MLLT1: variants seen among roughly 807,000 people sequenced by gnomAD.
MLLT1 encodes protein ENL.
A neutral mutation model predicts 55.1 loss-of-function variants in MLLT1; 11 were observed. The ratio of observed to expected loss-of-function variants is 0.20; its 90% confidence interval spans 0.13 to 0.33. The LOEUF (loss-of-function observed/expected upper bound fraction) is 0.33. MLLT1 is among the 10% of genes least tolerant of loss of function. The probability of loss-of-function intolerance (pLI) is 1.00; values close to 1 mark genes in which losing one functional copy is unlikely to be tolerated. For missense variants in MLLT1, 536 were observed against 760.6 expected (o/e 0.70, Z 3.47); for synonymous variants, 323 against 320.1 (o/e 1.01, Z -0.10).
At chr19:6,252,268 A>G (rs1193982555) in intron 3 of MLLT1, among the ~76,000 whole-genome samples, 1 of 152,198 alleles carries the variant, frequency 6.6e-6, no homozygotes, top group Non-Finnish European at 1.5e-5. Flanking sequence ...CAATTACAGC[A>G]GGGTTTCTCT....
chr19:6,253,617 T>A (rs1023936243), intron 3 of MLLT1, among the ~76,000 whole-genome samples: 1 of 152,194 alleles, frequency 6.6e-6, no homozygotes, highest in African/African-American at 2.4e-5. Context: ...ACTAAAAAGA[T>A]TATATACCAT....
intron 6 of MLLT1, among the ~76,000 whole-genome samples, chr19:6,218,412 A>G (rs1236950246): frequency 1.3e-5 from 2 of 152,180 alleles, no homozygotes; most frequent in Non-Finnish European, 2.9e-5. Flanking sequence ...TTCGTCCAAG[A>G]GGGCAGGCAT....
intron 7 of MLLT1, chr19:6,216,958 C>T (rs2090851055): frequency 5.8e-6 from 1 of 173,696 alleles, no homozygotes; most frequent in Admixed American, 5.9e-5. Flanking sequence ...TGCCCACCCC[C>T]TCGGTAATCC....
At chr19:6,242,562 G>A (rs2091125253) in intron 3 of MLLT1, among the ~76,000 whole-genome samples, 1 of 152,230 alleles carries the variant, frequency 6.6e-6, no homozygotes, top group African/African-American at 2.4e-5. Context: ...TTTCACACTT[G>A]GCCATTTCTA....
chr19:6,247,297 T>G (rs1017147215), intron 3 of MLLT1, among the ~76,000 whole-genome samples: 2 of 152,150 alleles, frequency 1.3e-5, no homozygotes, highest in African/African-American at 4.8e-5. Context: ...TAAATACCAT[T>G]TTCCAGCAAC....
intron 3 of MLLT1, among the ~76,000 whole-genome samples, chr19:6,249,923 G>T (rs974900880): frequency 6.6e-6 from 1 of 152,132 alleles, no homozygotes; most frequent in African/African-American, 2.4e-5. Context: ...TCAGAAGGCT[G>T]AGGTGGGAGG....
chr19:6,248,514 AT>A (rs1351535730), intron 3 of MLLT1, among the ~76,000 whole-genome samples: 1 of 152,200 alleles, frequency 6.6e-6, no homozygotes, highest in Non-Finnish European at 1.5e-5. Context: ...ACTTCCTAAT[AT>A]GATGGAAGAG....
In MLLT1 at chr19:6,212,524, G is replaced by A. The variant is rs2090787258; in HGVS notation, c.*518C>T. On this transcript the variant is annotated 3_prime_UTR_variant, in exon 12 of 12. Coordinates refer to ENST00000252674, the MANE Select transcript of MLLT1 (RefSeq NM_005934.4). ...AGAACTATACAGCACAGACCCCAGC[G>A]CAGCGCGAGCCGGGGAGGAGCCGGC... 6 of 1,079,924 alleles carry A rather than the reference G, an allele frequency of 5.6e-6. No individual in the cohort carries two copies. The highest frequency in any genetic ancestry group is 5.0e-5 in the Admixed American group (1 of 20,200). The allele number at this position is 1,079,924 out of a possible 1,614,324, so 66.9% of individuals were successfully genotyped here.
At chr19:6,225,489 C>T (rs914602545) in intron 5 of MLLT1, among the ~76,000 whole-genome samples, 9 of 152,312 alleles carry the variant, frequency 5.9e-5, no homozygotes, top group African/African-American at 1.9e-4. Context: ...ATGGTGGGGC[C>T]GACAGCTCAT....
rs2091107717 is a variant in MLLT1, at chr19:6,240,946, A to G, written c.277-10233T>C. ...TAAAGTTTGGCTTCTATTAACTGGA[A>G]GCCAAACTTAATGATTTCTCCTCAG... On this transcript the variant is annotated intron_variant, in intron 3 of 11. Transcript: ENST00000252674. This position sits in a 1 kb window ranked among gnomAD's most constrained non-coding sequence, Gnocchi z 4.7. Among the ~76,000 whole-genome samples the G allele has an allele frequency of 6.6e-6, 1 of 152,212 alleles. No individual in the cohort carries two copies. Among genetic ancestry groups the G allele is most frequent in the South Asian group, 2.1e-4 (1 of 4,824 alleles).
chr19:6,274,712 A>G (rs1430522752), intron 1 of MLLT1, among the ~76,000 whole-genome samples: 2 of 152,202 alleles, frequency 1.3e-5, no homozygotes, highest in African/African-American at 4.8e-5. Context: ...CCACTCCCCA[A>G]CAAAAGCCCA....
intron 3 of MLLT1, among the ~76,000 whole-genome samples, chr19:6,251,205 G>T (rs940578873): frequency 4.6e-5 from 7 of 152,194 alleles, no homozygotes; most frequent in African/African-American, 1.7e-4. Context: ...TGTACTAAAT[G>T]CCACTTTACT....
intron 1 of MLLT1, 54 bp downstream of exon 1, chr19:6,279,719 G>T (rs1362567319): frequency 2.0e-5 from 3 of 147,562 alleles, no homozygotes; most frequent in Admixed American, 2.0e-4. Context: ...GGGCGGGCCG[G>T]CGGGCGGGAG....
At position 6,222,052 on chromosome 19, in the gene MLLT1, G is replaced by A; in HGVS notation, c.1110+69C>T. 7.5e-7 allele frequency: 1 copy of A among 1,327,568 alleles called. No homozygotes were observed. The highest frequency in any genetic ancestry group is 2.9e-5 in the Admixed American group (1 of 34,902). 82.2% of individuals were successfully genotyped at this position (1,327,568 alleles called of 1,614,324 possible). A position where few individuals can be genotyped will look rare whatever the true frequency, so the allele number is the denominator to read the frequency against. ...GGCTCAGATCCCACCTCCTTCCGCTGTTCCAGAAGGGAGGCGGGTCCCACC... is the reference window on the plus strand; with the variant it reads ...GGCTCAGATCCCACCTCCTTCCGCTATTCCAGAAGGGAGGCGGGTCCCACC... On this transcript the variant is annotated intron_variant, in intron 6 of 11. Coordinates refer to ENST00000252674, the MANE Select transcript of MLLT1 (RefSeq NM_005934.4). The surrounding 1 kb of genome is among the most constrained non-coding windows in gnomAD (Gnocchi z 4.1).
At chr19:6,237,389 C>A (rs977374841) in intron 3 of MLLT1, among the ~76,000 whole-genome samples, 21 of 152,144 alleles carry the variant, frequency 1.4e-4, no homozygotes, top group African/African-American at 4.6e-4. Flanking sequence ...CCATCTCTGC[C>A]CCGCCAAGCT....
At position 6,219,750 on chromosome 19, in the gene MLLT1, C is replaced by T. The variant is rs755478487; in HGVS notation, c.1111-1709G>A. Among the ~76,000 whole-genome samples, 3 of 152,202 alleles carry T rather than the reference C, an allele frequency of 2.0e-5. No individual in the cohort carries two copies. Among genetic ancestry groups the T allele is most frequent in the Non-Finnish European group, 2.9e-5 (2 of 68,044 alleles). ...CACTAAAGGTGGAGAGGGGGCAGTT[C>T]AGGCGGCCAAAGGAGGCTGCACAAG... On this transcript the variant is annotated intron_variant, in intron 6 of 11. Transcript: ENST00000252674. The surrounding 1 kb of genome is among the most constrained non-coding windows in gnomAD (Gnocchi z 4.5).
rs557169114 is a variant in MLLT1 at position 6,230,720 on chromosome 19, C to A, written c.277-7G>T. ...AGACCTTCCTCGGCTCCTCCTGAAA[C>A]AGAGAAAACAAGAAAGTCTGCATCA... On this transcript the variant is annotated splice_polypyrimidine_tract_variant and splice_region_variant and intron_variant, in intron 3 of 11. Coordinates refer to ENST00000252674, the MANE Select transcript of MLLT1 (RefSeq NM_005934.4). This position sits in a 1 kb window ranked among gnomAD's most constrained non-coding sequence, Gnocchi z 9.0. The A allele has an allele frequency of 6.2e-7, 1 of 1,613,932 alleles. No homozygotes were observed. Among genetic ancestry groups the A allele is most frequent in the African/African-American group, 1.3e-5 (1 of 75,046 alleles).
At chr19:6,221,623 G>C (rs559163556) in intron 6 of MLLT1, among the ~76,000 whole-genome samples, 1 of 152,214 alleles carries the variant, frequency 6.6e-6, no homozygotes, top group Non-Finnish European at 1.5e-5. Flanking sequence ...ATAGGGAGCC[G>C]GGCACGGACC....
intron 7 of MLLT1, chr19:6,216,835 G>A (rs1352652888): frequency 6.2e-6 from 2 of 321,858 alleles, no homozygotes; most frequent in East Asian, 7.4e-5. Flanking sequence ...CTCTGCTCGG[G>A]GCACAGAGAT....
Sources: allele counts gnomAD v4.1 joint callset (sites outside exome capture counted in the v4.1 genomes callset), GRCh38; gene constraint gnomAD v4.1.1; non-coding constraint Gnocchi (gnomAD v3.1); transcripts MANE v1.5; gene names NCBI Gene and HGNC (gene_info 2026-07-23, HGNC 2026-07-21).